Variants in LRP11 observed in about 807,000 individuals in gnomAD.
The protein encoded by LRP11 is LDL receptor related protein 11.
A neutral mutation model predicts 43.1 loss-of-function variants in LRP11; 25 were observed. The ratio of observed to expected loss-of-function variants is 0.58; its 90% confidence interval spans 0.42 to 0.81. The LOEUF is 0.81. Ranked by LOEUF, LRP11 falls within the 30% of genes least tolerant of loss-of-function variation. The pLI is 0.00. For missense variants in LRP11, 623 were observed against 665.1 expected (o/e 0.94, Z 0.70); for synonymous variants, 316 against 299.4 (o/e 1.06, Z -0.57).
chr6:149,824,847 G>A (rs1776319157), intron 6 of LRP11, among the ~76,000 whole-genome samples: 1 of 152,178 alleles, frequency 6.6e-6, no homozygotes, highest in East Asian at 1.9e-4. Context: ...ACAACAGAGT[G>A]AGACTCGATG....
At chr6:149,857,296 C>T (rs1166547489) in intron 1 of LRP11, among the ~76,000 whole-genome samples, 1 of 151,992 alleles carries the variant, frequency 6.6e-6, no homozygotes, top group African/African-American at 2.4e-5. Context: ...CTTTGGGAGG[C>T]TGAGGTGGGC....
intron 6 of LRP11, among the ~76,000 whole-genome samples, chr6:149,824,163 G>A (rs1583074855): frequency 6.6e-6 from 1 of 152,172 alleles, no homozygotes; most frequent in African/African-American, 2.4e-5. Context: ...CCCAGTCCGG[G>A]GGACTTGCTT....
Position 149,864,226 on chromosome 6 carries a change from G to A in LRP11, c.-206C>T. The A allele has an allele frequency of 9.1e-7, 1 of 1,101,690 alleles. No individual in the cohort carries two copies. Among genetic ancestry groups the A allele is most frequent in the Non-Finnish European group, 1.1e-6 (1 of 906,326 alleles). The allele number at this position is 1,101,690 out of a possible 1,614,324, so 68.2% of individuals were successfully genotyped here. A position where few individuals can be genotyped will look rare whatever the true frequency, so the allele number is the denominator to read the frequency against. ...ACCGCAGTAGCGGGAGACATAGCCG[G>A]CCCAGCCGGGCACCGCTCCTTGCCC... is the stretch of plus-strand genomic sequence containing the variant. On this transcript the variant is annotated 5_prime_UTR_variant, in exon 1 of 7. Coordinates refer to ENST00000239367, the MANE Select transcript of LRP11 (RefSeq NM_032832.6).
chr6:149,846,757 G>A (rs1050238506), intron 2 of LRP11, among the ~76,000 whole-genome samples: 1 of 152,042 alleles, frequency 6.6e-6, no homozygotes, highest in South Asian at 2.1e-4. Flanking sequence ...GGCCAACAAT[G>A]GTGAAACCCC....
chr6:149,845,464 G>A (rs1238167773), intron 2 of LRP11, among the ~76,000 whole-genome samples: 1 of 152,204 alleles, frequency 6.6e-6, no homozygotes, highest in East Asian at 1.9e-4. Context: ...GGCAATGACG[G>A]CCACCTGCCT....
intron 5 of LRP11, among the ~76,000 whole-genome samples, chr6:149,832,919 CT>C (rs1471754119): frequency 6.6e-6 from 1 of 152,180 alleles, no homozygotes; most frequent in Admixed American, 6.5e-5. Flanking sequence ...CGCCATTCTC[CT>C]GCCTCAGCCT....
chr6:149,859,220 A>G lies in LRP11; in HGVS notation c.613+4188T>C, dbSNP rs529242612. On this transcript the variant is annotated intron_variant, in intron 1 of 6. Coordinates refer to ENST00000239367, the MANE Select transcript of LRP11 (RefSeq NM_032832.6). ...CCCATATGCATGCCAATATGAGTAAACCTATTTTTACCAAGTTAATAAATG... is the reference window on the plus strand; with the variant it reads ...CCCATATGCATGCCAATATGAGTAAGCCTATTTTTACCAAGTTAATAAATG... 2.0e-5 allele frequency among the ~76,000 whole-genome samples: 3 copies of G among 151,740 alleles called. No individual in the cohort carries two copies. The South Asian group carries it at 6.3e-4, about 32-fold the overall frequency.
intron 5 of LRP11, among the ~76,000 whole-genome samples, chr6:149,831,026 C>G (rs1479192148): frequency 6.6e-6 from 1 of 152,254 alleles, no homozygotes; most frequent in Non-Finnish European, 1.5e-5. Context: ...CAATCACAGG[C>G]TCTAGCCAGT....
intron 3 of LRP11, among the ~76,000 whole-genome samples, chr6:149,841,152 T>C (rs1350870425): frequency 3.9e-5 from 6 of 152,194 alleles, no homozygotes; most frequent in Admixed American, 3.9e-4. Flanking sequence ...GTCCTTAGGA[T>C]CCTAAAATCT....
intron 3 of LRP11, among the ~76,000 whole-genome samples, chr6:149,838,522 A>G (rs1776502567): frequency 6.6e-6 from 1 of 151,592 alleles, no homozygotes; most frequent in South Asian, 2.1e-4. Context: ...CGTCTCTACT[A>G]AAAATACAAA....
In LRP11 at chr6:149,840,492, G is replaced by T. The variant is rs147277065; in HGVS notation, c.913+2491C>A. Among the ~76,000 whole-genome samples the T allele has an allele frequency of 1.8e-4, 27 of 152,240 alleles. No homozygotes were observed. The East Asian group carries it at 5.2e-3, about 29-fold the overall frequency. Reference sequence around the variant, plus strand: ...GAGAAGGGCCAGAAATTTACAGCTGGCAATTTACCTCTGGAGCCCGGAAAG... The same window carrying T: ...GAGAAGGGCCAGAAATTTACAGCTGTCAATTTACCTCTGGAGCCCGGAAAG... On this transcript the variant is annotated intron_variant, in intron 3 of 6. Coordinates refer to ENST00000239367, the MANE Select transcript of LRP11 (RefSeq NM_032832.6).
intron 2 of LRP11, among the ~76,000 whole-genome samples, chr6:149,852,056 C>T (rs1468917557): frequency 1.3e-5 from 2 of 152,142 alleles, no homozygotes; most frequent in Non-Finnish European, 2.9e-5. Flanking sequence ...TCAGTAACCT[C>T]CACCTGGTCT....
At chr6:149,860,592 C>T (rs1022550050) in intron 1 of LRP11, among the ~76,000 whole-genome samples, 1 of 152,158 alleles carries the variant, frequency 6.6e-6, no homozygotes, top group Non-Finnish European at 1.5e-5. Context: ...CAAGCAGACA[C>T]CAAGTCCTGG....
At position 149,836,001 on chromosome 6, in the gene LRP11, C is replaced by T. The variant is rs1338104862; in HGVS notation, c.1252+84G>A. 8 of 1,248,602 alleles carry T rather than the reference C, an allele frequency of 6.4e-6. No individual in the cohort carries two copies. In the East Asian group the frequency reaches 1.4e-4, roughly 22 times the overall value. The allele number at this position is 1,248,602 out of a possible 1,614,324, so 77.3% of individuals were successfully genotyped here. A position where few individuals can be genotyped will look rare whatever the true frequency, so the allele number is the denominator to read the frequency against. ...CTTATTTCAAGATACTTCCTTAACA[C>T]TCTTCAAACATAAACTTAATTGTGA... On this transcript the variant is annotated intron_variant, in intron 5 of 6. Transcript: ENST00000239367.
chr6:149,844,434 G>A (rs1255723538), intron 2 of LRP11, among the ~76,000 whole-genome samples: 2 of 152,114 alleles, frequency 1.3e-5, no homozygotes, highest in African/African-American at 4.8e-5. Flanking sequence ...AGGGCTCCAT[G>A]CTTGCCCTCT....
chr6:149,832,179 C>G (rs1264971667), intron 5 of LRP11, among the ~76,000 whole-genome samples: 2 of 149,910 alleles, frequency 1.3e-5, no homozygotes, highest in Non-Finnish European at 2.9e-5. Flanking sequence ...ACAAGTCTTC[C>G]ATGAGCTAAG....
intron 5 of LRP11, among the ~76,000 whole-genome samples, chr6:149,835,005 C>T (rs1352169587): frequency 6.6e-6 from 1 of 152,178 alleles, no homozygotes; most frequent in Non-Finnish European, 1.5e-5. Context: ...AAAATCATGT[C>T]AGGTTATTTC....
At chr6:149,842,792 G>A in intron 3 of LRP11, 191 bp downstream of exon 3, 4 of 1,241,376 alleles carry the variant, frequency 3.2e-6, no homozygotes, top group Non-Finnish European at 4.6e-6. Context: ...CCCCAACCCA[G>A]TAGCATCGGC....
chr6:149,828,025 A>G (rs1304471939), intron 5 of LRP11, among the ~76,000 whole-genome samples: 1 of 145,838 alleles, frequency 6.9e-6, no homozygotes, highest in Admixed American at 6.9e-5. Context: ...CCGTCTCAAA[A>G]AAAAAAAAAA....
Sources: allele counts gnomAD v4.1 joint callset (sites outside exome capture counted in the v4.1 genomes callset), GRCh38; gene constraint gnomAD v4.1.1; transcripts MANE v1.5; gene names NCBI Gene and HGNC (gene_info 2026-07-23, HGNC 2026-07-21).